The following DNM3 variants were observed in gnomAD, a reference collection of about 807,000 sequenced individuals.
DNM3 encodes the protein dynamin 3.
DNM3 carries 47 observed loss-of-function variants against 101.6 expected under a neutral mutation model. The ratio of observed to expected loss-of-function variants is 0.46; its 90% confidence interval spans 0.37 to 0.59. The LOEUF (loss-of-function observed/expected upper bound fraction) is 0.59. DNM3 is among the 20% of genes least tolerant of loss of function. DNM3 has a pLI of 0.00. For synonymous variants in DNM3, 385 were observed against 387.9 expected (o/e 0.99, Z 0.09); for missense variants, 849 against 1,085.7 (o/e 0.78, Z 3.06).
intron 4 of DNM3, among the ~76,000 whole-genome samples, chr1:172,014,644 T>C (rs1314490086): frequency 6.6e-6 from 1 of 152,344 alleles, no homozygotes; most frequent in East Asian, 1.9e-4. Context: ...AATTGAGTTG[T>C]TTCTTGTTGA....
chr1:172,140,637 T>C (rs1269953878), intron 14 of DNM3: 3 of 152,044 alleles, frequency 2.0e-5, no homozygotes, highest in Admixed American at 6.6e-5. Context: ...TTGTATGTTA[T>C]GCTTTAATAT....
chr1:172,148,075 T>G (rs2057984197), intron 14 of DNM3, among the ~76,000 whole-genome samples: 1 of 152,112 alleles, frequency 6.6e-6, no homozygotes. Context: ...AACTCAGTTT[T>G]TTTCTGTGCT....
At chr1:172,125,402 A>C (rs535747050) in intron 13 of DNM3, among the ~76,000 whole-genome samples, 13 of 152,268 alleles carry the variant, frequency 8.5e-5, no homozygotes, top group African/African-American at 2.6e-4. Context: ...CCAGTATGTC[A>C]GCCAGATGTT....
At chr1:172,320,398 A>G (rs1368730674) in intron 16 of DNM3, among the ~76,000 whole-genome samples, 1 of 35,210 alleles carries the variant, frequency 2.8e-5, no homozygotes, top group Admixed American at 2.2e-4. Context: ...TAAAAAAAAG[A>G]AAAAAAAAAA....
At chr1:172,415,789 C>CA (rs945206034), downstream of DNM3, among the ~76,000 whole-genome samples, 1 of 152,054 alleles carries the variant, frequency 6.6e-6, no homozygotes, top group African/African-American at 2.4e-5. Context: ...CTCAGCTTCC[C>CA]AAAGTGCTGG....
At chr1:172,093,725 T>C in intron 13 of DNM3, 1 of 1,608,486 alleles carries the variant, frequency 6.2e-7, no homozygotes, top group Non-Finnish European at 8.5e-7. Context: ...CAAGGCAAAT[T>C]GTACGAGCTA....
intron 15 of DNM3, among the ~76,000 whole-genome samples, chr1:172,290,406 A>G (rs1002873199): frequency 2.0e-5 from 3 of 152,190 alleles, no homozygotes; most frequent in African/African-American, 7.2e-5. Context: ...GGCGCCTGCA[A>G]AATCCCAAGG....
At chr1:172,282,101 C>T (rs1014636794) in intron 15 of DNM3, among the ~76,000 whole-genome samples, 8 of 152,156 alleles carry the variant, frequency 5.3e-5, no homozygotes, top group African/African-American at 1.9e-4. Context: ...GCAGTACTTG[C>T]TTCTAAGACT....
chr1:171,993,449 T>G (rs1443849480), intron 4 of DNM3, among the ~76,000 whole-genome samples: 1 of 151,786 alleles, frequency 6.6e-6, no homozygotes, highest in Non-Finnish European at 1.5e-5. Context: ...TCAATCTCAT[T>G]GAGGATCCTT....
intron 13 of DNM3, among the ~76,000 whole-genome samples, chr1:172,127,046 A>G (rs551702759): frequency 6.6e-6 from 1 of 152,206 alleles, no homozygotes; most frequent in East Asian, 1.9e-4. Context: ...CCATTTAAGA[A>G]AATGAATTCT....
chr1:172,170,400 C>T (rs1337015094), intron 14 of DNM3, among the ~76,000 whole-genome samples: 2 of 151,806 alleles, frequency 1.3e-5, no homozygotes, highest in African/African-American at 2.4e-5. Flanking sequence ...TAAAGATGCA[C>T]GGGGCCCACT....
intron 4 of DNM3, among the ~76,000 whole-genome samples, chr1:172,012,249 T>C (rs1226182127): frequency 6.6e-6 from 1 of 151,990 alleles, no homozygotes; most frequent in African/African-American, 2.4e-5. Flanking sequence ...CTTAGGGACG[T>C]AGGGAGTTAT....
intron 14 of DNM3, among the ~76,000 whole-genome samples, chr1:172,242,264 G>A (rs1246326457): frequency 1.3e-5 from 2 of 152,102 alleles, no homozygotes; most frequent in Non-Finnish European, 2.9e-5. Flanking sequence ...TTAGTATGTA[G>A]ACTTTCACTA....
chr1:172,225,528 T>G (rs1395386871), intron 14 of DNM3, among the ~76,000 whole-genome samples: 2 of 152,180 alleles, frequency 1.3e-5, no homozygotes, highest in Non-Finnish European at 2.9e-5. Flanking sequence ...ATCAATATTT[T>G]GATAGCTTCT....
intron 17 of DNM3, among the ~76,000 whole-genome samples, chr1:172,370,634 A>G (rs1056791984): frequency 2.0e-5 from 3 of 152,012 alleles, no homozygotes; most frequent in African/African-American, 7.2e-5. Context: ...TATTTAATCC[A>G]TACAACAACC....
At position 172,301,347 on chromosome 1, in the gene DNM3, G is replaced by A. The variant is rs138797444; in HGVS notation, c.1770-7381G>A. 4.9e-3 allele frequency among the ~76,000 whole-genome samples: 742 copies of A among 151,660 alleles called. 6 individuals carry two copies. The highest frequency in any genetic ancestry group is 0.016 in the African/African-American group (678 of 41,320). ...TGAGACCTTGTCTCTACTAAAAATA[G>A]AAAAATTACTTGGGTGTGGTGGCAC... On this transcript the variant is annotated intron_variant, in intron 15 of 20. Transcript: ENST00000627582.
chr1:172,064,369 T>C (rs192634596), intron 10 of DNM3, among the ~76,000 whole-genome samples: 2 of 152,288 alleles, frequency 1.3e-5, no homozygotes, highest in African/African-American at 4.8e-5. Context: ...TATAATGGTA[T>C]AAATGATTGA....
chr1:172,218,508 C>G (rs1363440760), intron 14 of DNM3, among the ~76,000 whole-genome samples: 2 of 151,896 alleles, frequency 1.3e-5, no homozygotes, highest in African/African-American at 4.8e-5. Flanking sequence ...CTGATTTGCA[C>G]TAATATGATG....
At chr1:171,985,387 C>T (rs2045172868) in intron 2 of DNM3, among the ~76,000 whole-genome samples, 1 of 152,120 alleles carries the variant, frequency 6.6e-6, no homozygotes, top group South Asian at 2.1e-4. Flanking sequence ...CTGGCCTAGG[C>T]TTTGAATGGG....
Sources: allele counts gnomAD v4.1 joint callset (sites outside exome capture counted in the v4.1 genomes callset), GRCh38; gene constraint gnomAD v4.1.1; transcripts MANE v1.5; gene names NCBI Gene and HGNC (gene_info 2026-07-23, HGNC 2026-07-21).